Variants in NFKB1 observed in about 807,000 individuals in gnomAD.
NFKB1 encodes nuclear factor kappa B subunit 1.
A neutral mutation model predicts 105.1 loss-of-function variants in NFKB1; 9 were observed. The observed-to-expected ratio is 0.09, with a 90% CI of 0.05 to 0.15. The LOEUF is 0.15. Ranked by LOEUF, NFKB1 falls within the 10% of genes least tolerant of loss-of-function variation. The probability of loss-of-function intolerance (pLI) is 1.00; values close to 1 mark genes in which losing one functional copy is unlikely to be tolerated. For synonymous variants in NFKB1, 440 were observed against 442.2 expected (o/e 1.00, Z 0.06); for missense variants, 830 against 1,203.7 (o/e 0.69, Z 4.59).
At chr4:102,546,108 G>GA (rs60479243) in intron 5 of NFKB1, among the ~76,000 whole-genome samples, 2 of 151,350 alleles carry the variant, frequency 1.3e-5, no homozygotes, top group Non-Finnish European at 1.5e-5. Flanking sequence ...ATTTTTTAAA[G>GA]AAAAAAAACA....
At chr4:102,523,933 TA>T (rs1318449588) in intron 1 of NFKB1, among the ~76,000 whole-genome samples, 1 of 151,938 alleles carries the variant, frequency 6.6e-6, no homozygotes, top group Non-Finnish European at 1.5e-5. Context: ...CCAGCTACAA[TA>T]CTAATTCTAT....
At chr4:102,565,950 C>T (rs995673398) in intron 5 of NFKB1, among the ~76,000 whole-genome samples, 2 of 152,262 alleles carry the variant, frequency 1.3e-5, no homozygotes, top group African/African-American at 2.4e-5. Context: ...CCTAGGCAAA[C>T]CAGGATAGTA....
At chr4:102,602,533 T>A (rs1392715203) in intron 16 of NFKB1, among the ~76,000 whole-genome samples, 2 of 149,624 alleles carry the variant, frequency 1.3e-5, no homozygotes. Context: ...AGTGACGCTC[T>A]GTCTCAAAAA....
intron 5 of NFKB1, among the ~76,000 whole-genome samples, chr4:102,550,409 G>A (rs1191441402): frequency 6.6e-6 from 1 of 152,086 alleles, no homozygotes; most frequent in Non-Finnish European, 1.5e-5. Context: ...CTACAAAATT[G>A]ATTATTTTAA....
At chr4:102,504,068 C>T (rs1289362306) in intron 1 of NFKB1, among the ~76,000 whole-genome samples, 3 of 152,124 alleles carry the variant, frequency 2.0e-5, no homozygotes, top group African/African-American at 7.2e-5. Context: ...AAAGTTCTGG[C>T]TTCTGGGGGG....
At chr4:102,540,786 T>G (rs1378510539) in intron 5 of NFKB1, among the ~76,000 whole-genome samples, 1 of 152,154 alleles carries the variant, frequency 6.6e-6, no homozygotes, top group East Asian at 1.9e-4. Context: ...GCCAGGTATT[T>G]TTTTTTTCCA....
intron 3 of NFKB1, 42 bp downstream of exon 3, chr4:102,529,956 G>A (rs776450442): frequency 2.8e-6 from 4 of 1,425,858 alleles, no homozygotes; most frequent in Non-Finnish European, 3.9e-6. Context: ...TCTGCTTTCA[G>A]TCTTAGTAAA....
chr4:102,538,559 G>C (rs1207062043), intron 5 of NFKB1, among the ~76,000 whole-genome samples: 1 of 152,162 alleles, frequency 6.6e-6, no homozygotes, highest in African/African-American at 2.4e-5. Flanking sequence ...GCAGATGTGT[G>C]GCCCTCTTGG....
At chr4:102,527,142 G>A (rs192645711) in intron 2 of NFKB1, among the ~76,000 whole-genome samples, 2 of 152,246 alleles carry the variant, frequency 1.3e-5, no homozygotes. Context: ...AAAAATAAGT[G>A]ATATATACAC....
At position 102,535,476 on chromosome 4, in the gene NFKB1, T is replaced by A. The variant is rs76691460; in HGVS notation, c.159+1591T>A. Among the ~76,000 whole-genome samples, 1,355 of 152,298 alleles carry A rather than the reference T, an allele frequency of 8.9e-3. 14 individuals are homozygous for A. Among genetic ancestry groups the A allele is most frequent in the African/African-American group, 0.03 (1,250 of 41,570 alleles). ...TGTGTTTACCAAAGTGATGCTATTT[T>A]GATATCTGAATTCAGTGAAAGTAAG... On this transcript the variant is annotated intron_variant, in intron 4 of 23. Coordinates refer to ENST00000226574, the MANE Select transcript of NFKB1 (RefSeq NM_003998.4).
At chr4:102,510,122 C>G (rs1031794070) in intron 1 of NFKB1, among the ~76,000 whole-genome samples, 3 of 152,182 alleles carry the variant, frequency 2.0e-5, no homozygotes, top group African/African-American at 7.2e-5. Context: ...AACTTCTAAA[C>G]CCTTAGGCCT....
chr4:102,518,354 A>G (rs149202596), intron 1 of NFKB1, among the ~76,000 whole-genome samples: 3 of 152,286 alleles, frequency 2.0e-5, no homozygotes, highest in African/African-American at 7.2e-5. Context: ...TGTTTTGGCT[A>G]CTATACTTGC....
chr4:102,515,112 T>TTA (rs1740063089), intron 1 of NFKB1, among the ~76,000 whole-genome samples: 2 of 129,446 alleles, frequency 1.5e-5, no homozygotes, highest in South Asian at 5.0e-4. Context: ...TTATTATTTT[T>TTA]TTTTTTTTTT....
chr4:102,542,381 T>G (rs541474976), intron 5 of NFKB1, among the ~76,000 whole-genome samples: 2 of 152,174 alleles, frequency 1.3e-5, no homozygotes, highest in African/African-American at 4.8e-5. Flanking sequence ...TTAAAAAAAA[T>G]TTTAATTATA....
chr4:102,504,209 A>G (rs1739276601), intron 1 of NFKB1, among the ~76,000 whole-genome samples: 1 of 152,196 alleles, frequency 6.6e-6, no homozygotes, highest in African/African-American at 2.4e-5. Context: ...TCAAAATGTC[A>G]TCTTTTGCAT....
chr4:102,602,576 A>G (rs1727273820), intron 16 of NFKB1, among the ~76,000 whole-genome samples: 1 of 152,032 alleles, frequency 6.6e-6, no homozygotes, highest in South Asian at 2.1e-4. Flanking sequence ...AGTGCATTTA[A>G]AGCAAAACTA....
intron 3 of NFKB1, among the ~76,000 whole-genome samples, chr4:102,532,402 G>T (rs1455372169): frequency 6.6e-6 from 1 of 152,174 alleles, no homozygotes; most frequent in Non-Finnish European, 1.5e-5. Context: ...GCCAAGGCAG[G>T]TAGATCACGA....
At chr4:102,553,487 T>C (rs1722767108) in intron 5 of NFKB1, among the ~76,000 whole-genome samples, 1 of 152,170 alleles carries the variant, frequency 6.6e-6, no homozygotes, top group South Asian at 2.1e-4. Context: ...AAATTTACAT[T>C]AATAATTTCT....
intron 14 of NFKB1, 109 bp downstream of exon 14, chr4:102,596,441 T>G (rs887402356): frequency 1.6e-5 from 14 of 865,138 alleles, no homozygotes; most frequent in Non-Finnish European, 2.3e-5. Context: ...TCTAGTTTAG[T>G]GTACTCTTCA....
Sources: allele counts gnomAD v4.1 joint callset (sites outside exome capture counted in the v4.1 genomes callset), GRCh38; gene constraint gnomAD v4.1.1; transcripts MANE v1.5; gene names NCBI Gene and HGNC (gene_info 2026-07-23, HGNC 2026-07-21).